The following RABGAP1L variants were observed in gnomAD, a reference collection of about 807,000 sequenced individuals.
RABGAP1L encodes the protein rab GTPase-activating protein 1-like.
In RABGAP1L, 63 loss-of-function variants were observed where a neutral mutation model predicts 137.7. The observed-to-expected ratio is 0.46, with a 90% CI of 0.37 to 0.56. The LOEUF (loss-of-function observed/expected upper bound fraction) is 0.56, where lower values mean the gene tolerates loss of function less well. Among genes scored for constraint, RABGAP1L ranks in the 20% least tolerant of loss-of-function variants. The pLI is 0.00. For synonymous variants in RABGAP1L, 431 were observed against 433.7 expected, an observed-to-expected ratio of 0.99 and a Z score of 0.08; for missense variants, 1,095 against 1,244.0, an observed-to-expected ratio of 0.88 and a Z score of 1.80.
At chr1:174,249,523 G>T (rs571907909) in intron 5 of RABGAP1L, among the ~76,000 whole-genome samples, 2 of 151,512 alleles carry the variant, frequency 1.3e-5, no homozygotes, top group South Asian at 2.1e-4. Context: ...AGTTTATTTT[G>T]TGAACTTAAA....
At position 174,890,142 on chromosome 1, in the gene RABGAP1L, G is replaced by A. The variant is rs566364390; in HGVS notation, c.2341-67315G>A. On this transcript the variant is annotated intron_variant, in intron 19 of 25. Coordinates refer to ENST00000681986, the MANE Select transcript of RABGAP1L (RefSeq NM_001366446.1). ...TTCATTTAACATGTATACCTCCTAC[G>A]TGCATAGCACTGTGTTAAGCTTTGA... Among the ~76,000 whole-genome samples, 14 of 152,240 alleles carry A rather than the reference G, an allele frequency of 9.2e-5. No individual in the cohort carries two copies. In the South Asian group the frequency reaches 2.1e-3, roughly 23 times the overall value.
intron 14 of RABGAP1L, among the ~76,000 whole-genome samples, chr1:174,670,671 C>T (rs531009732): frequency 6.6e-6 from 1 of 152,114 alleles, no homozygotes; most frequent in Non-Finnish European, 1.5e-5. Context: ...CTGTGCCTGG[C>T]TTATTTCACT....
intron 13 of RABGAP1L, among the ~76,000 whole-genome samples, chr1:174,469,791 C>T (rs12071171): frequency 0.016 from 2,495 of 152,142 alleles, 50 homozygotes; most frequent in African/African-American, 0.058. Context: ...GCTCACTAGA[C>T]CAATATTGAA....
At chr1:174,887,726 A>G (rs990981668) in intron 19 of RABGAP1L, among the ~76,000 whole-genome samples, 6 of 152,164 alleles carry the variant, frequency 3.9e-5, no homozygotes, top group African/African-American at 1.2e-4. Context: ...AAGGAAATCA[A>G]TTGTATTTAA....
chr1:174,430,893 A>G (rs1571768711), intron 13 of RABGAP1L, among the ~76,000 whole-genome samples: 1 of 152,150 alleles, frequency 6.6e-6, no homozygotes, highest in African/African-American at 2.4e-5. Flanking sequence ...TCTTTTGAAA[A>G]CTGAGTCATA....
chr1:174,573,574 T>G (rs1256652134), intron 13 of RABGAP1L, among the ~76,000 whole-genome samples: 1 of 152,186 alleles, frequency 6.6e-6, no homozygotes, highest in South Asian at 2.1e-4. Context: ...ATTTTTCTTT[T>G]GAAAATCTTA....
chr1:174,331,977 C>CT (rs1681073545), intron 11 of RABGAP1L, among the ~76,000 whole-genome samples: 1 of 152,126 alleles, frequency 6.6e-6, no homozygotes, highest in Non-Finnish European at 1.5e-5. Flanking sequence ...GAGTCTCGCT[C>CT]TGTCTCCCAG....
At chr1:174,967,895 G>A (rs1574035756) in intron 20 of RABGAP1L, among the ~76,000 whole-genome samples, 1 of 144,322 alleles carries the variant, frequency 6.9e-6, no homozygotes, top group Admixed American at 6.9e-5. Flanking sequence ...TTTCAATAAT[G>A]TTTTAACATT....
At chr1:174,980,146 T>A (rs1010379240) in intron 23 of RABGAP1L, among the ~76,000 whole-genome samples, 1 of 152,154 alleles carries the variant, frequency 6.6e-6, no homozygotes, top group Non-Finnish European at 1.5e-5. Flanking sequence ...AAATTTAAAA[T>A]ATATATAAAC....
chr1:174,577,463 G>A (rs1434933965), intron 13 of RABGAP1L, among the ~76,000 whole-genome samples: 1 of 151,860 alleles, frequency 6.6e-6, no homozygotes, highest in South Asian at 2.1e-4. Context: ...ACAGTACCTG[G>A]CAACCTTGTA....
Position 174,311,395 on chromosome 1 carries a change from G to A in RABGAP1L, c.1465+6268G>A, listed in dbSNP as rs551471266. On this transcript the variant is annotated intron_variant, in intron 11 of 25. Coordinates refer to ENST00000681986, the MANE Select transcript of RABGAP1L (RefSeq NM_001366446.1). The stretch of plus-strand genomic sequence containing the variant: ...TACTAGGTCTGTCCCTCAACAACTG[G>A]GGACTACAATTCAAGATGAGATTTG... Among the ~76,000 whole-genome samples, 3 of 152,192 alleles carry A rather than the reference G, an allele frequency of 2.0e-5. No individual in the cohort carries two copies. The South Asian group carries it at 6.2e-4, about 32-fold the overall frequency.
At chr1:174,610,852 T>A (rs374315900) in intron 13 of RABGAP1L, among the ~76,000 whole-genome samples, 2 of 152,246 alleles carry the variant, frequency 1.3e-5, no homozygotes, top group Admixed American at 6.5e-5. Flanking sequence ...ATAAATGTCT[T>A]CTTTTGAGAA....
intron 18 of RABGAP1L, chr1:174,757,222 A>G (rs1266669429): frequency 4.7e-6 from 1 of 212,228 alleles, no homozygotes; most frequent in East Asian, 1.5e-4. Flanking sequence ...CCCCTGTACC[A>G]CAATTTATTT....
intron 1 of RABGAP1L, among the ~76,000 whole-genome samples, chr1:174,164,752 CTGGG>C (rs1169078402): frequency 6.6e-6 from 1 of 152,190 alleles, no homozygotes; most frequent in Non-Finnish European, 1.5e-5. Context: ...TTTAAAAATG[CTGGG>C]TTTTGACTTC....
chr1:174,981,572 T>G (rs1339145158), intron 23 of RABGAP1L, among the ~76,000 whole-genome samples: 1 of 125,610 alleles, frequency 8.0e-6, no homozygotes, highest in Non-Finnish European at 1.7e-5. Flanking sequence ...TTTTTTTTTT[T>G]TTTTTTTTTG....
chr1:174,950,085 G>A (rs1667483828), intron 19 of RABGAP1L, among the ~76,000 whole-genome samples: 1 of 152,130 alleles, frequency 6.6e-6, no homozygotes, highest in African/African-American at 2.4e-5. Context: ...TTGAGTAATT[G>A]GGAAAGCTAG....
chr1:174,352,980 A>G (rs941792878), intron 11 of RABGAP1L, among the ~76,000 whole-genome samples: 1 of 152,190 alleles, frequency 6.6e-6, no homozygotes, highest in African/African-American at 2.4e-5. Context: ...GAGGGGTGAC[A>G]CAACCATTTC....
intron 13 of RABGAP1L, among the ~76,000 whole-genome samples, chr1:174,596,404 TTTGTAGTTCTTA>T (rs1219795038): frequency 2.6e-5 from 4 of 152,192 alleles, no homozygotes; most frequent in Non-Finnish European, 4.4e-5. Context: ...TCATCAGTGT[TTTGTAGTTCTTA>T]TTGTACAGAT....
chr1:174,363,231 G>T (rs1376533705), intron 11 of RABGAP1L, among the ~76,000 whole-genome samples: 1 of 152,114 alleles, frequency 6.6e-6, no homozygotes, highest in Non-Finnish European at 1.5e-5. Flanking sequence ...CTCCAGCTTT[G>T]TTTCTTTTTG....
Sources: gnomAD v4.1 joint callset for allele counts (sites outside exome capture counted in the v4.1 genomes callset) on GRCh38, gnomAD v4.1.1 for gene constraint, MANE v1.5 for transcripts, NCBI Gene and HGNC (gene_info 2026-07-23, HGNC 2026-07-21) for gene names.